Variants in NUP210L observed in about 807,000 individuals in gnomAD.
The protein encoded by NUP210L is nucleoporin 210 like, also known as nuclear pore membrane glycoprotein 210-like.
A neutral mutation model predicts 208.5 loss-of-function variants in NUP210L; 74 were observed. The observed-to-expected ratio is 0.35, with a 90% CI of 0.29 to 0.43. The LOEUF (loss-of-function observed/expected upper bound fraction) is 0.43, where lower values mean the gene tolerates loss of function less well. Ranked by LOEUF, NUP210L falls within the 20% of genes least tolerant of loss-of-function variation. The probability of loss-of-function intolerance (pLI) is 1.00; values close to 1 mark genes in which losing one functional copy is unlikely to be tolerated. For synonymous variants in NUP210L, 780 were observed against 816.9 expected (o/e 0.95, Z 0.77); for missense variants, 1,843 against 2,289.4 (o/e 0.81, Z 3.98).
intron 29 of NUP210L, among the ~76,000 whole-genome samples, chr1:154,026,405 A>G (rs912869265): frequency 6.6e-6 from 1 of 151,930 alleles, no homozygotes; most frequent in Non-Finnish European, 1.5e-5. Context: ...CTGGAGTTCA[A>G]TGGCGTGATC....
exon 13 of NUP210L, chr1:154,104,167 T>C: frequency 6.2e-7 from 1 of 1,614,050 alleles, no homozygotes; most frequent in Non-Finnish European, 8.5e-7. Flanking sequence ...CACATCAGCA[T>C]GAAATGGTAA....
At chr1:154,070,176 T>C (rs532722981) in intron 17 of NUP210L, 97 bp downstream of exon 17, 310 of 935,172 alleles carry the variant, frequency 3.3e-4, no homozygotes, top group Admixed American at 1.2e-3. Context: ...GTTGTGCACA[T>C]GTACCCTAGA....
intron 10 of NUP210L, among the ~76,000 whole-genome samples, chr1:154,125,080 G>A (rs1051056017): frequency 1.3e-5 from 2 of 152,192 alleles, no homozygotes; most frequent in African/African-American, 4.8e-5. Context: ...TGACATGGGA[G>A]GATCACTTGA....
At position 154,089,606 on chromosome 1, in the gene NUP210L, T is replaced by G. The variant is rs1571259596; in HGVS notation, c.2188-12A>C. On this transcript the variant is annotated splice_polypyrimidine_tract_variant and intron_variant, in intron 15 of 39. Coordinates refer to ENST00000368559, the Ensembl canonical transcript of NUP210L. ...CGGAATGTGAGAACCTTTAAGGAAG[T>G]CACAGAGCAAGAGATAATTGTGGGT... The G allele has an allele frequency of 6.2e-7, 1 of 1,612,092 alleles. No individual in the cohort carries two copies. The highest frequency in any genetic ancestry group is 8.5e-7 in the Non-Finnish European group (1 of 1,178,400).
chr1:154,039,056 C>T (rs571062867), intron 27 of NUP210L, among the ~76,000 whole-genome samples: 45 of 152,072 alleles, frequency 3.0e-4, no homozygotes, highest in African/African-American at 9.9e-4. Flanking sequence ...ACAATTACAG[C>T]GTTATAATAT....
chr1:154,094,110 C>T (rs934565038), intron 15 of NUP210L, among the ~76,000 whole-genome samples: 3 of 152,120 alleles, frequency 2.0e-5, no homozygotes, highest in Admixed American at 1.3e-4. Flanking sequence ...GGTAAAACCC[C>T]GTCTCTACTA....
At chr1:154,092,149 C>T (rs1211727289) in intron 15 of NUP210L, among the ~76,000 whole-genome samples, 1 of 149,314 alleles carries the variant, frequency 6.7e-6, no homozygotes, top group Non-Finnish European at 1.5e-5. Flanking sequence ...GATCTCGGCT[C>T]ATTGTAAGCT....
At chr1:154,129,248 AC>A (rs1416281455) in intron 8 of NUP210L, 28 bp downstream of exon 8, 2 of 1,380,874 alleles carry the variant, frequency 1.4e-6, no homozygotes, top group Non-Finnish European at 2.0e-6. Flanking sequence ...TAAGCTATCC[AC>A]CTTTCTGAAA....
chr1:154,125,799 G>A (rs1657927316), intron 10 of NUP210L, among the ~76,000 whole-genome samples: 1 of 98,986 alleles, frequency 1.0e-5, no homozygotes, highest in South Asian at 4.2e-4. Flanking sequence ...ACGGAGTCTC[G>A]CTCTGTCGCC....
intron 29 of NUP210L, 67 bp from the exon 30 acceptor site, chr1:154,025,783 A>C: frequency 1.4e-6 from 2 of 1,418,620 alleles, no homozygotes; most frequent in Admixed American, 2.0e-5. Flanking sequence ...AAAGAGTAAA[A>C]ATTTCCAGGA....
At chr1:154,154,482 A>G (rs1322745882) in intron 1 of NUP210L, among the ~76,000 whole-genome samples, 1 of 152,126 alleles carries the variant, frequency 6.6e-6, no homozygotes, top group Non-Finnish European at 1.5e-5. Flanking sequence ...AGTTGTTTAC[A>G]TTGGAAGTCA....
chr1:154,048,411 T>C (rs1653305355), intron 25 of NUP210L, among the ~76,000 whole-genome samples: 2 of 152,144 alleles, frequency 1.3e-5, no homozygotes. Flanking sequence ...ATGTTTGAGC[T>C]TTTTCCTTTT....
chr1:154,018,555 C>T (rs1033776331), intron 33 of NUP210L, among the ~76,000 whole-genome samples: 1 of 152,230 alleles, frequency 6.6e-6, no homozygotes, highest in Admixed American at 6.6e-5. Flanking sequence ...TGTGAGGAAA[C>T]TCTATTGGCT....
chr1:154,070,286 C>G lies in NUP210L; in HGVS notation c.2541G>C (p.Gln847His), dbSNP rs768525018. 9 of 1,599,998 alleles carry G rather than the reference C, an allele frequency of 5.6e-6. No individual in the cohort carries two copies. The East Asian group carries it at 2.0e-4, about 36-fold the overall frequency. The change falls in exon 17 of 40, where the codon CAG (glutamine) becomes CAC (histidine). Residue 847 changes from glutamine (Q) to histidine (H), a missense_variant. Physicochemically the swap from Gln to His is conservative, Grantham distance 24. This residue lies in a region of NUP210L where 408 missense variants were observed against 600.8 expected (regional missense o/e 0.68). Transcript: ENST00000368559. ...TTTTCACAATACCATGTAACCGGGT[C>G]TGCCCACTGCCATCATCTTTTGCTA...
chr1:154,143,477 C>G, exon 3 of NUP210L: 1 of 1,613,944 alleles, frequency 6.2e-7, no homozygotes, highest in Non-Finnish European at 8.5e-7. Flanking sequence ...CCATCAGTTC[C>G]AGTGGCGAAT....
chr1:154,054,213 G>A lies in NUP210L; in HGVS notation c.3483+15C>T. The A allele has an allele frequency of 6.2e-7, 1 of 1,613,446 alleles. No homozygotes were observed. The highest frequency in any genetic ancestry group is 8.5e-7 in the Non-Finnish European group (1 of 1,179,452). ...AATAGAAGAATAGAAGCAGAGCAGA[G>A]CAAATAACCAATACCTGAGAAAACA... is the stretch of plus-strand genomic sequence containing the variant. On this transcript the variant is annotated intron_variant, in intron 25 of 39. Coordinates refer to ENST00000368559, the Ensembl canonical transcript of NUP210L.
Position 153,996,848 on chromosome 1 carries a change from C to CTTTTT in NUP210L, c.5387-1673_5387-1669dup, listed in dbSNP as rs747835495. Among the ~76,000 whole-genome samples the CTTTTT allele has an allele frequency of 5.8e-5, 6 of 103,726 alleles. 1 individual carries two copies. The highest frequency in any genetic ancestry group is 9.8e-5 in the Non-Finnish European group (5 of 51,082). 68.0% of individuals were successfully genotyped at this position (103,726 alleles called of 152,430 possible). A position where few individuals can be genotyped will look rare whatever the true frequency, so the allele number is the denominator to read the frequency against. Reference sequence around the variant, plus strand: ...ATCCTCAATAAAACTGTAGACTTGCCTTTTTTTTTTTTTTTTTTTTTGAGA... The same window carrying CTTTTT: ...ATCCTCAATAAAACTGTAGACTTGCCTTTTTTTTTTTTTTTTTTTTTTTTTTGAGA... On this transcript the variant is annotated intron_variant, in intron 37 of 39. Transcript: ENST00000368559.
intron 29 of NUP210L, among the ~76,000 whole-genome samples, chr1:154,025,945 G>A (rs1025057973): frequency 1.6e-4 from 25 of 152,006 alleles, no homozygotes; most frequent in Admixed American, 7.2e-4. Context: ...TATTTAGGCC[G>A]GGTGTGGTGG....
intron 30 of NUP210L, among the ~76,000 whole-genome samples, chr1:154,024,662 G>A (rs1011671602): frequency 6.7e-6 from 1 of 149,710 alleles, no homozygotes; most frequent in Non-Finnish European, 1.5e-5. Flanking sequence ...AGCTAGGACT[G>A]CAGACATGTG....
Sources: allele counts gnomAD v4.1 joint callset (sites outside exome capture counted in the v4.1 genomes callset), GRCh38; gene constraint gnomAD v4.1.1; regional missense constraint gnomAD v4.1.1; transcripts MANE v1.5; gene names NCBI Gene and HGNC (gene_info 2026-07-23, HGNC 2026-07-21).